Variants in LGR6 observed in about 807,000 individuals in gnomAD.
LGR6 encodes the protein leucine-rich repeat-containing G protein-coupled receptor 6.
LGR6 carries 45 observed loss-of-function variants against 69.4 expected under a neutral mutation model. The observed-to-expected ratio is 0.65, with a 90% CI of 0.51 to 0.83. The LOEUF is 0.83. Ranked by LOEUF, LGR6 falls within the 40% of genes least tolerant of loss-of-function variation. The probability of loss-of-function intolerance (pLI) is 0.00; values close to 1 mark genes in which losing one functional copy is unlikely to be tolerated. For synonymous variants in LGR6, 538 were observed against 555.0 expected, an observed-to-expected ratio of 0.97 and a Z score of 0.43; for missense variants, 1,108 against 1,246.7, an observed-to-expected ratio of 0.89 and a Z score of 1.68.
chr1:202,295,893 G>A (rs1289084305), intron 6 of LGR6, among the ~76,000 whole-genome samples: 2 of 151,766 alleles, frequency 1.3e-5, no homozygotes, highest in African/African-American at 4.8e-5. Context: ...GTGTGTGTGT[G>A]TGTGTGTGTG....
intron 9 of LGR6, among the ~76,000 whole-genome samples, chr1:202,302,551 T>C (rs1044908785): frequency 3.3e-5 from 5 of 151,942 alleles, no homozygotes; most frequent in African/African-American, 9.7e-5. Context: ...TTCTCTTTTT[T>C]CTTTTTTCTT....
intron 1 of LGR6, among the ~76,000 whole-genome samples, chr1:202,204,258 C>T (rs1658945394): frequency 1.4e-5 from 2 of 140,048 alleles, no homozygotes; most frequent in Admixed American, 1.5e-4. Context: ...CACACACAAC[C>T]TCCAAACACA....
intron 3 of LGR6, among the ~76,000 whole-genome samples, chr1:202,232,614 A>G (rs1661180030): frequency 6.6e-6 from 1 of 152,162 alleles, no homozygotes; most frequent in African/African-American, 2.4e-5. Flanking sequence ...GCTTGAACCC[A>G]GGAGTTTGAG....
At chr1:202,283,938 C>G (rs1386422121) in intron 6 of LGR6, among the ~76,000 whole-genome samples, 3 of 152,254 alleles carry the variant, frequency 2.0e-5, no homozygotes, top group Non-Finnish European at 2.9e-5. Context: ...AGTAACTTCA[C>G]CTCTGTGAGC....
intron 1 of LGR6, chr1:202,197,476 G>T (rs111447894): frequency 5.6e-6 from 3 of 533,096 alleles, no homozygotes; most frequent in Admixed American, 3.9e-5. Context: ...GACACTCACC[G>T]GGGTTTTGAC....
intron 6 of LGR6, among the ~76,000 whole-genome samples, chr1:202,294,264 C>T (rs1031772733): frequency 2.6e-5 from 4 of 152,196 alleles, no homozygotes; most frequent in Non-Finnish European, 5.9e-5. Flanking sequence ...AGCTTTCATT[C>T]TAATTGGGTG....
chr1:202,300,903 C>A lies in LGR6; in HGVS notation c.840C>A (p.Asn280Lys). Residue 280 changes from asparagine (N) to lysine (K), a missense_variant, in exon 8 of 18, where the codon AAC becomes AAA. Transcript: ENST00000367278. ...TCCCAGAAAAGGCCTTCATGGGGAA[C>A]CCTCTGCTACAGACGATGTGAGTAC... is the stretch of plus-strand genomic sequence containing the variant. ...KAIPEKAFMG[N>K]PLLQTIHFYD... 6.2e-7 allele frequency: 1 copy of A among 1,612,432 alleles called. No individual in the cohort carries two copies. Among genetic ancestry groups the A allele is most frequent in the South Asian group, 1.1e-5 (1 of 90,784 alleles).
chr1:202,302,543 CTCTTTTT>C (rs752577876), intron 9 of LGR6, among the ~76,000 whole-genome samples: 71 of 152,128 alleles, frequency 4.7e-4, no homozygotes, highest in South Asian at 2.1e-4. Flanking sequence ...ACTGATAGTT[CTCTTTTT>C]TCTTTTTTCT....
chr1:202,276,580 T>C, intron 5 of LGR6, 59 bp downstream of exon 5: 2 of 1,392,096 alleles, frequency 1.4e-6, no homozygotes, highest in Middle Eastern at 3.5e-4. Context: ...GGGGGCTGCA[T>C]GTTTACTTGA....
At chr1:202,246,817 C>T (rs1176018260) in intron 4 of LGR6, among the ~76,000 whole-genome samples, 1 of 152,188 alleles carries the variant, frequency 6.6e-6, no homozygotes, top group East Asian at 1.9e-4. Flanking sequence ...TACTATGTTA[C>T]CAGGCTCTAG....
intron 4 of LGR6, among the ~76,000 whole-genome samples, chr1:202,246,498 C>T (rs982358936): frequency 2.1e-5 from 3 of 145,852 alleles, no homozygotes; most frequent in Non-Finnish European, 4.5e-5. Context: ...TAAACTTTGA[C>T]GAGTGCTTGA....
chr1:202,202,400 G>A (rs1014989496), intron 1 of LGR6, among the ~76,000 whole-genome samples: 1 of 152,106 alleles, frequency 6.6e-6, no homozygotes, highest in African/African-American at 2.4e-5. Context: ...GTCAACCCTG[G>A]GCAGCATCCA....
rs770421373 is a variant in LGR6, at chr1:202,318,298, G to A, written c.1995G>A (p.Val665=). ...TGCTGCTGCTCACTCTGGCCGCAGT[G>A]CAGTGCAGCGTCTCCGTCTCCTGTG... The part of the protein sequence containing the change: ...ASVLLLTLAA[V]QCSVSVSCVR... Residue 665 remains valine (V), a synonymous_variant, in exon 18 of 18, where the codon GTG becomes GTA. Coordinates refer to ENST00000367278, the MANE Select transcript of LGR6 (RefSeq NM_001017403.2). The A allele has an allele frequency of 6.3e-7, 1 of 1,597,756 alleles. No individual in the cohort carries two copies. Among genetic ancestry groups the A allele is most frequent in the African/African-American group, 1.3e-5 (1 of 74,868 alleles).
At chr1:202,236,797 G>A (rs1000622174) in intron 4 of LGR6, among the ~76,000 whole-genome samples, 2 of 152,266 alleles carry the variant, frequency 1.3e-5, no homozygotes, top group African/African-American at 4.8e-5. Context: ...GTTAGCTAGT[G>A]GGGGAAACTG....
chr1:202,260,772 T>G (rs1664165920), intron 4 of LGR6, among the ~76,000 whole-genome samples: 1 of 152,216 alleles, frequency 6.6e-6, no homozygotes, highest in Non-Finnish European at 1.5e-5. Context: ...GCCAACTAAC[T>G]AATATATTTT....
rs10522754 is a variant in LGR6, at chr1:202,205,969, A to AACACACACACACACAC, written c.212+11773_212+11788dup. ...AGAACACACACACACACAGACACAC[A>AACACACACACACACAC]ACACACACACACACACACACCCCTA... On this transcript the variant is annotated intron_variant, in intron 1 of 17. Coordinates refer to ENST00000367278, the MANE Select transcript of LGR6 (RefSeq NM_001017403.2). Among the ~76,000 whole-genome samples, 133 of 149,106 alleles carry AACACACACACACACAC rather than the reference A, an allele frequency of 8.9e-4. 4 individuals carry two copies. The highest frequency in any genetic ancestry group is 3.8e-3 in the East Asian group (19 of 5,002).
intron 4 of LGR6, among the ~76,000 whole-genome samples, chr1:202,270,526 G>T (rs1665011481): frequency 2.0e-5 from 3 of 152,178 alleles, no homozygotes; most frequent in Admixed American, 6.5e-5. Flanking sequence ...ACAGGCGTGA[G>T]CCACCACACC....
intron 1 of LGR6, among the ~76,000 whole-genome samples, chr1:202,195,092 G>A (rs567386925): frequency 4.7e-4 from 71 of 152,272 alleles, no homozygotes; most frequent in African/African-American, 1.6e-3. Context: ...CCCCAGCCCC[G>A]CTCTGGGGCA....
At chr1:202,251,390 G>A (rs747032864) in intron 4 of LGR6, among the ~76,000 whole-genome samples, 3 of 152,252 alleles carry the variant, frequency 2.0e-5, no homozygotes, top group Admixed American at 6.5e-5. Context: ...GATGATCTAT[G>A]TCCCTGCAGC....
Sources: allele counts gnomAD v4.1 joint callset (sites outside exome capture counted in the v4.1 genomes callset), GRCh38; gene constraint gnomAD v4.1.1; transcripts MANE v1.5; gene names NCBI Gene and HGNC (gene_info 2026-07-23, HGNC 2026-07-21).